Variants in AUTS2 observed in about 807,000 individuals in gnomAD.
AUTS2 encodes activator of transcription and developmental regulator AUTS2.
AUTS2 carries 17 observed loss-of-function variants against 112.4 expected under a neutral mutation model. The observed-to-expected ratio is 0.15, with a 90% CI of 0.10 to 0.23. The LOEUF is 0.23. AUTS2 is among the 10% of genes least tolerant of loss of function. The pLI is 1.00. For synonymous variants in AUTS2, 751 were observed against 702.7 expected, an observed-to-expected ratio of 1.07 and a Z score of -1.09; for missense variants, 1,510 against 1,701.6, an observed-to-expected ratio of 0.89 and a Z score of 1.98.
chr7:70,445,286 C>T (rs546806240), intron 5 of AUTS2, among the ~76,000 whole-genome samples: 1 of 152,248 alleles, frequency 6.6e-6, no homozygotes, highest in Admixed American at 6.5e-5. Flanking sequence ...GCCCTCTTCC[C>T]ATGCCGTGCT....
chr7:70,695,255 A>G (rs1211466331), intron 5 of AUTS2, among the ~76,000 whole-genome samples: 1 of 151,498 alleles, frequency 6.6e-6, no homozygotes, highest in Non-Finnish European at 1.5e-5. Flanking sequence ...CCGCCTTTGT[A>G]CTTTCCTCCC....
intron 1 of AUTS2, among the ~76,000 whole-genome samples, chr7:69,763,750 C>G (rs1788294519): frequency 6.6e-6 from 1 of 152,180 alleles, no homozygotes; most frequent in Non-Finnish European, 1.5e-5. Context: ...GCCCTTAGAA[C>G]AGTGCTTGGC....
chr7:70,629,008 G>T (rs948951280), intron 5 of AUTS2, among the ~76,000 whole-genome samples: 1 of 152,200 alleles, frequency 6.6e-6, no homozygotes, highest in Non-Finnish European at 1.5e-5. Flanking sequence ...AGTTTAGTAA[G>T]TACTGAGGTT....
chr7:70,248,119 C>T (rs1037621384), intron 4 of AUTS2, among the ~76,000 whole-genome samples: 1 of 152,154 alleles, frequency 6.6e-6, no homozygotes, highest in Non-Finnish European at 1.5e-5. Flanking sequence ...ATTCAGTTTG[C>T]TGACATTTTA....
At position 69,599,459 on chromosome 7, in the gene AUTS2, C is replaced by T; in HGVS notation, c.-195C>T. The stretch of plus-strand genomic sequence containing the variant: ...GCTCCCCGTCCCTCCTCCCCTCTCT[C>T]CGCCCCTTCCCCCTTTTCTTTCTCC... On this transcript the variant is annotated 5_prime_UTR_variant, in exon 1 of 19. Coordinates refer to ENST00000342771, the MANE Select transcript of AUTS2 (RefSeq NM_015570.4). This position sits in a 1 kb window ranked among gnomAD's most constrained non-coding sequence, Gnocchi z 7.0. 1 of 452,264 alleles carries T rather than the reference C, an allele frequency of 2.2e-6. No individual in the cohort carries two copies. The highest frequency in any genetic ancestry group is 3.5e-6 in the Non-Finnish European group (1 of 283,376). 28.0% of individuals were successfully genotyped at this position (452,264 alleles called of 1,614,324 possible). A position where few individuals can be genotyped will look rare whatever the true frequency, so the allele number is the denominator to read the frequency against.
At chr7:69,756,601 T>TC (rs397761737) in intron 1 of AUTS2, among the ~76,000 whole-genome samples, 3 of 151,796 alleles carry the variant, frequency 2.0e-5, no homozygotes, top group Non-Finnish European at 2.9e-5. Flanking sequence ...CTTTTTTTTT[T>TC]CATTTCTTTT....
intron 5 of AUTS2, among the ~76,000 whole-genome samples, chr7:70,528,093 A>ATTTTTT (rs10651355): frequency 4.7e-4 from 46 of 97,286 alleles, no homozygotes; most frequent in African/African-American, 2.0e-3. Context: ...AAATTTAAGG[A>ATTTTTT]TTTTTTTTTT....
intron 4 of AUTS2, among the ~76,000 whole-genome samples, chr7:70,435,265 C>T (rs779129080): frequency 2.6e-5 from 4 of 152,198 alleles, no homozygotes; most frequent in South Asian, 2.1e-4. Flanking sequence ...GTGACTACAA[C>T]GCCCAGAGGT....
intron 5 of AUTS2, among the ~76,000 whole-genome samples, chr7:70,594,517 G>T (rs991126433): frequency 1.3e-5 from 2 of 152,164 alleles, no homozygotes; most frequent in South Asian, 4.1e-4. Context: ...TGAGTGCTGC[G>T]TATTCAAATT....
intron 4 of AUTS2, among the ~76,000 whole-genome samples, chr7:70,174,668 G>A (rs903433619): frequency 2.0e-5 from 3 of 151,992 alleles, no homozygotes; most frequent in South Asian, 2.1e-4. Context: ...AAAATTGTAG[G>A]GCACTTAAAA....
At chr7:70,164,106 AC>A (rs1395049110) in intron 4 of AUTS2, among the ~76,000 whole-genome samples, 1 of 152,188 alleles carries the variant, frequency 6.6e-6, no homozygotes, top group Non-Finnish European at 1.5e-5. Flanking sequence ...AACCTTTTTG[AC>A]AGCAAAAAAT....
At chr7:70,372,400 T>C (rs1218719211) in intron 4 of AUTS2, among the ~76,000 whole-genome samples, 1 of 152,214 alleles carries the variant, frequency 6.6e-6, no homozygotes, top group Non-Finnish European at 1.5e-5. Context: ...TGTGCAGTAA[T>C]CCAGGCCTTC....
chr7:70,132,270 G>T (rs1345523685), intron 3 of AUTS2, among the ~76,000 whole-genome samples: 1 of 151,618 alleles, frequency 6.6e-6, no homozygotes, highest in African/African-American at 2.4e-5. Flanking sequence ...ACAAATTCCA[G>T]TGGACCTTTA....
chr7:70,744,625 G>A (rs910483572), intron 6 of AUTS2, among the ~76,000 whole-genome samples: 2 of 152,206 alleles, frequency 1.3e-5, no homozygotes, highest in Non-Finnish European at 2.9e-5. Flanking sequence ...GGCGCATGCC[G>A]TTGTCAGACC....
intron 5 of AUTS2, among the ~76,000 whole-genome samples, chr7:70,533,440 A>T (rs35284096): frequency 0.16 from 24,481 of 152,016 alleles, 2,770 homozygotes; most frequent in African/African-American, 0.32. Context: ...GGGTGTCCAC[A>T]TTAAATCTGA....
intron 2 of AUTS2, among the ~76,000 whole-genome samples, chr7:70,053,089 A>G (rs948886775): frequency 1.3e-5 from 2 of 152,224 alleles, no homozygotes; most frequent in Non-Finnish European, 2.9e-5. Flanking sequence ...TTATAACTCA[A>G]TTAGGGAAAC....
rs76466427 is a variant in AUTS2 at position 70,691,065 on chromosome 7, A to G, written c.691-7504A>G. On this transcript the variant is annotated intron_variant, in intron 5 of 18. Transcript: ENST00000342771. ...TTAAATCTTTAGATGTATTTTTGAG[A>G]TTTGAGGAAGAAGGCTCCATATTTT... is the stretch of plus-strand genomic sequence containing the variant. 2.7e-3 allele frequency among the ~76,000 whole-genome samples: 416 copies of G among 152,300 alleles called. 3 individuals are homozygous for G. The East Asian group carries it at 0.047, about 17-fold the overall frequency.
At chr7:70,222,637 A>G (rs562904301) in intron 4 of AUTS2, among the ~76,000 whole-genome samples, 3 of 152,010 alleles carry the variant, frequency 2.0e-5, no homozygotes, top group African/African-American at 7.2e-5. Context: ...TACTTCATGA[A>G]CCTCAAAAGA....
chr7:69,723,146 T>C (rs1437092357), intron 1 of AUTS2, among the ~76,000 whole-genome samples: 1 of 152,116 alleles, frequency 6.6e-6, no homozygotes, highest in East Asian at 1.9e-4. Flanking sequence ...TCTTACTGCC[T>C]TCATCATTCA....
Sources: gnomAD v4.1 joint callset for allele counts (sites outside exome capture counted in the v4.1 genomes callset) on GRCh38, gnomAD v4.1.1 for gene constraint, Gnocchi (gnomAD v3.1) non-coding constraint, MANE v1.5 for transcripts, NCBI Gene and HGNC (gene_info 2026-07-23, HGNC 2026-07-21) for gene names.